Variants in PRDM16 observed in about 807,000 individuals in gnomAD.
The protein encoded by PRDM16 is PR/SET domain 16, also known as histone-lysine N-methyltransferase PRDM16.
Under a neutral mutation model 110.6 loss-of-function variants are expected in PRDM16, and 23 were observed. The observed-to-expected ratio is 0.21, with a 90% CI of 0.15 to 0.29. The LOEUF (loss-of-function observed/expected upper bound fraction) is 0.29, where lower values mean the gene tolerates loss of function less well. Ranked by LOEUF, PRDM16 falls within the 10% of genes least tolerant of loss-of-function variation. The pLI is 1.00. For synonymous variants in PRDM16, 799 were observed against 781.8 expected, an observed-to-expected ratio of 1.02 and a Z score of -0.37; for missense variants, 1,615 against 1,794.3, an observed-to-expected ratio of 0.90 and a Z score of 1.81.
At chr1:3,072,043 G>A (rs187165967) in intron 1 of PRDM16, among the ~76,000 whole-genome samples, 73 of 152,310 alleles carry the variant, frequency 4.8e-4, no homozygotes, top group Middle Eastern at 6.8e-3. Context: ...CCAAGCCGGG[G>A]CTGTGGCTCA....
intron 2 of PRDM16, among the ~76,000 whole-genome samples, chr1:3,214,919 T>G (rs1569858865): frequency 6.6e-6 from 1 of 152,146 alleles, no homozygotes; most frequent in Non-Finnish European, 1.5e-5. Context: ...GAGACCCTGG[T>G]GTGATACCCT....
In PRDM16 at chr1:3,148,663, G is replaced by A. The variant is rs1643722693; in HGVS notation, c.38-37462G>A. Among the ~76,000 whole-genome samples the A allele has an allele frequency of 6.6e-6, 1 of 152,196 alleles. No individual in the cohort carries two copies. The highest frequency in any genetic ancestry group is 1.5e-5 in the Non-Finnish European group (1 of 68,044). On this transcript the variant is annotated intron_variant, in intron 1 of 16. Coordinates refer to ENST00000270722, the MANE Select transcript of PRDM16 (RefSeq NM_022114.4). The surrounding 1 kb of genome is among the most constrained non-coding windows in gnomAD (Gnocchi z 5.0). ...GCGGTGACTTGTCCTGGCCGAGCCA[G>A]CCCAGTCCTTCTGGAAGTCCAGTTT...
intron 3 of PRDM16, among the ~76,000 whole-genome samples, chr1:3,368,218 T>C (rs1430557857): frequency 3.9e-5 from 6 of 152,182 alleles, no homozygotes; most frequent in Non-Finnish European, 8.8e-5. Context: ...CTGACATTCA[T>C]TAGGAGGCAG....
intron 1 of PRDM16, among the ~76,000 whole-genome samples, chr1:3,150,112 G>A (rs753858146): frequency 6.6e-6 from 1 of 152,112 alleles, no homozygotes; most frequent in African/African-American, 2.4e-5. Context: ...TGAATCTGCT[G>A]GAATCCCCCC....
At chr1:3,386,149 G>GCCCGGGGTC (rs1477835330) in intron 4 of PRDM16, among the ~76,000 whole-genome samples, 1 of 149,524 alleles carries the variant, frequency 6.7e-6, no homozygotes, top group Non-Finnish European at 1.5e-5. Context: ...TCCTCGGGGT[G>GCCCGGGGTC]CCCGGGGTGC....
chr1:3,117,413 G>A lies in PRDM16; in HGVS notation c.37+48117G>A, dbSNP rs559669274. 2.0e-5 allele frequency among the ~76,000 whole-genome samples: 3 copies of A among 152,258 alleles called. No homozygotes were observed. The East Asian group carries it at 5.8e-4, about 30-fold the overall frequency. ...TGCAGAGGTGGCTGGGAGCTGGCGG[G>A]TGAGAACGCAGGGGGAAGGAACACC... On this transcript the variant is annotated intron_variant, in intron 1 of 16. Transcript: ENST00000270722.
chr1:3,410,159 CTG>C (rs1643660530), intron 8 of PRDM16, among the ~76,000 whole-genome samples: 1 of 150,506 alleles, frequency 6.6e-6, no homozygotes, highest in Non-Finnish European at 1.5e-5. Context: ...GTTGTGTGTG[CTG>C]TGTGTGTGCA....
chr1:3,410,914 CG>C (rs763980612), intron 8 of PRDM16, among the ~76,000 whole-genome samples: 10 of 152,142 alleles, frequency 6.6e-5, no homozygotes, highest in East Asian at 1.9e-4. Flanking sequence ...CTAGCAACAC[CG>C]TGGGGTAGGA....
chr1:3,079,639 C>T (rs142879067), intron 1 of PRDM16, among the ~76,000 whole-genome samples: 173 of 152,326 alleles, frequency 1.1e-3, no homozygotes, highest in Non-Finnish European at 1.0e-3. Context: ...AAACCCGATG[C>T]GTTTCTGAAC....
At chr1:3,109,861 G>C (rs1013283350) in intron 1 of PRDM16, among the ~76,000 whole-genome samples, 3 of 152,242 alleles carry the variant, frequency 2.0e-5, no homozygotes, top group African/African-American at 7.2e-5. Flanking sequence ...GTTGGATATG[G>C]GCTCAGCTGG....
At chr1:3,145,256 C>A (rs557900326) in intron 1 of PRDM16, among the ~76,000 whole-genome samples, 1 of 152,138 alleles carries the variant, frequency 6.6e-6, no homozygotes, top group Non-Finnish European at 1.5e-5. Context: ...AGGGTGCATG[C>A]GGCACGGTGT....
At chr1:3,408,585 AGT>A (rs1643602169) in intron 8 of PRDM16, among the ~76,000 whole-genome samples, 4 of 128,442 alleles carry the variant, frequency 3.1e-5, no homozygotes, top group East Asian at 2.2e-4. Context: ...AGAGCGTGTG[AGT>A]GTGGGTGTGT....
At chr1:3,113,662 G>A (rs376620492) in intron 1 of PRDM16, among the ~76,000 whole-genome samples, 5 of 152,288 alleles carry the variant, frequency 3.3e-5, no homozygotes, top group South Asian at 2.1e-4. Context: ...CAGCATTCCC[G>A]GCCCCCACCC....
At chr1:3,392,159 T>C (rs2100620132) in intron 4 of PRDM16, among the ~76,000 whole-genome samples, 1 of 152,358 alleles carries the variant, frequency 6.6e-6, no homozygotes, top group Non-Finnish European at 1.5e-5. Context: ...CAGGGGAATC[T>C]GCTTTTGGGA....
intron 3 of PRDM16, among the ~76,000 whole-genome samples, chr1:3,258,354 G>A (rs550153971): frequency 1.1e-3 from 171 of 152,258 alleles, no homozygotes; most frequent in Admixed American, 2.7e-3. Context: ...AACAGATTCC[G>A]TGTGAGTGTA....
chr1:3,285,729 C>T (rs1390058455), intron 3 of PRDM16, among the ~76,000 whole-genome samples: 3 of 152,184 alleles, frequency 2.0e-5, no homozygotes, highest in Non-Finnish European at 4.4e-5. Flanking sequence ...GTCTGCTTCT[C>T]CAGATGCCAG....
At chr1:3,373,838 C>T (rs1276284102) in intron 3 of PRDM16, among the ~76,000 whole-genome samples, 2 of 152,350 alleles carry the variant, frequency 1.3e-5, no homozygotes, top group South Asian at 2.1e-4. Context: ...GACACATGGC[C>T]GAGCCTGGGA....
intron 3 of PRDM16, among the ~76,000 whole-genome samples, chr1:3,293,171 C>T (rs1034876801): frequency 2.0e-5 from 3 of 152,232 alleles, no homozygotes; most frequent in Non-Finnish European, 4.4e-5. Context: ...AAAAACTGCA[C>T]ATTTGGGCAG....
intron 3 of PRDM16, among the ~76,000 whole-genome samples, chr1:3,296,075 A>G (rs1231032502): frequency 1.3e-5 from 2 of 152,148 alleles, no homozygotes; most frequent in African/African-American, 2.4e-5. Flanking sequence ...AGCTGGAGCC[A>G]TTTTCAAGCC....
Sources: gnomAD v4.1 joint callset for allele counts (sites outside exome capture counted in the v4.1 genomes callset) on GRCh38, gnomAD v4.1.1 for gene constraint, Gnocchi (gnomAD v3.1) non-coding constraint, MANE v1.5 for transcripts, NCBI Gene and HGNC (gene_info 2026-07-23, HGNC 2026-07-21) for gene names.